The following ELP1 variants were observed in gnomAD, a reference collection of about 807,000 sequenced individuals.
The protein encoded by ELP1 is elongator complex protein 1.
Under a neutral mutation model 183.2 loss-of-function variants are expected in ELP1, and 131 were observed. The observed-to-expected ratio is 0.72, with a 90% CI of 0.62 to 0.83. The LOEUF is 0.83. Among genes scored for constraint, ELP1 ranks in the 40% least tolerant of loss-of-function variants. The pLI is 0.00. For missense variants in ELP1, 1,550 were observed against 1,594.9 expected, an observed-to-expected ratio of 0.97 and a Z score of 0.48; for synonymous variants, 555 against 569.0, an observed-to-expected ratio of 0.98 and a Z score of 0.35.
intron 36 of ELP1, among the ~76,000 whole-genome samples, 155 bp from the exon 37 acceptor site, chr9:108,869,337 C>G (rs868601421): frequency 6.6e-6 from 1 of 152,166 alleles, no homozygotes; most frequent in Non-Finnish European, 1.5e-5. Flanking sequence ...CTGCAACCTC[C>G]AGGTCAGAGC....
chr9:108,919,206 A>G (rs1180263663), intron 7 of ELP1, 47 bp downstream of exon 7: 1 of 1,352,436 alleles, frequency 7.4e-7, no homozygotes, highest in Non-Finnish European at 1.0e-6. Flanking sequence ...TAATTTTAAT[A>G]AGATAAAAAT....
chr9:108,872,804 G>GAAAA (rs58139943), intron 36 of ELP1, among the ~76,000 whole-genome samples: 10 of 83,366 alleles, frequency 1.2e-4, no homozygotes, highest in African/African-American at 2.6e-4. Context: ...GACTCTGTCT[G>GAAAA]AAAAAAAAAA....
chr9:108,923,153 T>G (rs1269560152), intron 5 of ELP1, among the ~76,000 whole-genome samples: 1 of 152,176 alleles, frequency 6.6e-6, no homozygotes, highest in Non-Finnish European at 1.5e-5. Context: ...GAGGATCACT[T>G]GAGTCCAGGA....
intron 36 of ELP1, among the ~76,000 whole-genome samples, chr9:108,869,842 A>G (rs1004869069): frequency 2.0e-5 from 3 of 152,228 alleles, no homozygotes; most frequent in Non-Finnish European, 4.4e-5. Context: ...TTTCTTTTTC[A>G]GCATTATTTA....
At chr9:108,889,464 T>C in intron 28 of ELP1, 71 bp from the exon 29 acceptor site, 2 of 1,328,860 alleles carry the variant, frequency 1.5e-6, no homozygotes, top group Non-Finnish European at 2.2e-6. Flanking sequence ...TTCTTTAATA[T>C]GTCTTTATTA....
chr9:108,872,827 A>AAAAAAAAAAAAAC (rs1554737192), intron 36 of ELP1, among the ~76,000 whole-genome samples: 12 of 107,966 alleles, frequency 1.1e-4, no homozygotes, highest in East Asian at 3.2e-4. Flanking sequence ...AAAAAAAAAA[A>AAAAAAAAAAAAAC]AAAAAAAAAA....
intron 29 of ELP1, among the ~76,000 whole-genome samples, chr9:108,885,125 A>T (rs1298324785): frequency 6.6e-6 from 1 of 151,936 alleles, no homozygotes; most frequent in Non-Finnish European, 1.5e-5. Context: ...AAAAAAATAA[A>T]AGTAAGCCAT....
intron 16 of ELP1, 53 bp downstream of exon 16, chr9:108,902,786 A>G: frequency 2.2e-6 from 3 of 1,341,668 alleles, no homozygotes; most frequent in South Asian, 2.3e-5. Flanking sequence ...ACTTAATGCC[A>G]TCAGTCCCTG....
At chr9:108,907,610 T>A (rs1829067274) in intron 13 of ELP1, among the ~76,000 whole-genome samples, 1 of 152,180 alleles carries the variant, frequency 6.6e-6, no homozygotes, top group Admixed American at 6.5e-5. Flanking sequence ...ATGAAGAACA[T>A]GGACTTATCA....
rs1462652310 is a variant in ELP1 at position 108,918,870 on chromosome 9, C to G, written c.681G>C (p.Glu227Asp). 6.2e-7 allele frequency: 1 copy of G among 1,614,054 alleles called. No individual in the cohort carries two copies. Among genetic ancestry groups the G allele is most frequent in the African/African-American group, 1.3e-5 (1 of 74,916 alleles). ...GARKVRVWNR[E>D]FALQSTSEPV... ...GCTCACTGGTTGACTGCAAAGCAAA[C>G]TCTCGGTTCCACACTCTGACCTTCC... Residue 227 changes from glutamate to aspartate, a missense_variant, in exon 8 of 37, where the codon GAG (glutamate) becomes GAC (aspartate). Transcript: ENST00000374647.
intron 3 of ELP1, among the ~76,000 whole-genome samples, chr9:108,929,066 C>T (rs1829912455): frequency 6.6e-6 from 1 of 152,302 alleles, no homozygotes; most frequent in East Asian, 1.9e-4. Flanking sequence ...AAGTGCCAGG[C>T]ACATGATAGT....
At chr9:108,894,222 C>T (rs1042074330) in intron 25 of ELP1, among the ~76,000 whole-genome samples, 156 bp from the exon 26 acceptor site, 1 of 152,102 alleles carries the variant, frequency 6.6e-6, no homozygotes, top group Non-Finnish European at 1.5e-5. Flanking sequence ...AATCAAACTA[C>T]AGTTGTCCCC....
chr9:108,928,229 C>T (rs1431383095), intron 3 of ELP1, among the ~76,000 whole-genome samples: 1 of 152,104 alleles, frequency 6.6e-6, no homozygotes, highest in Non-Finnish European at 1.5e-5. Context: ...ACAAACATTT[C>T]TTCAGTAATG....
intron 14 of ELP1, among the ~76,000 whole-genome samples, chr9:108,905,867 A>T: frequency 1.3e-5 from 1 of 76,262 alleles, no homozygotes; most frequent in East Asian, 3.1e-4. Flanking sequence ...AAAGGTATGT[A>T]TACACACACA....
At position 108,911,031 on chromosome 9, in the gene ELP1, G is replaced by A. The variant is rs1271784136; in HGVS notation, c.1339C>T (p.Gln447Ter). 2 of 1,614,018 alleles carry A rather than the reference G, an allele frequency of 1.2e-6. No homozygotes were observed. The highest frequency in any genetic ancestry group is 1.7e-6 in the Non-Finnish European group (2 of 1,179,944). The change falls in exon 12 of 37, where the codon CAG becomes TAG. Residue 447 changes from glutamine to a stop codon, truncating the protein, a stop_gained. Coordinates refer to ENST00000374647, the MANE Select transcript of ELP1 (RefSeq NM_003640.5). LOFTEE classifies it high-confidence loss of function. ...NDLAVLDASN[Q>*]ISVYKCGDCP... ...ATACCACATTTATAAACAGAAATCT[G>A]GTTACTGGCATCTAGAACAGCAAGG...
intron 19 of ELP1, 112 bp from the exon 20 acceptor site, chr9:108,900,007 C>G (rs1828706297): frequency 1.1e-6 from 1 of 928,742 alleles, no homozygotes; most frequent in Non-Finnish European, 1.7e-6. Flanking sequence ...TCTCTAAAAT[C>G]AGCACACTTT....
intron 4 of ELP1, 108 bp from the exon 5 acceptor site, chr9:108,926,711 C>G (rs371402947): frequency 2.6e-6 from 2 of 781,236 alleles, no homozygotes; most frequent in East Asian, 5.4e-5. Flanking sequence ...CTGAACAGAG[C>G]AGACAGAATT....
Position 108,926,611 on chromosome 9 carries a change from A to G in ELP1, c.386-8T>C. The stretch of plus-strand genomic sequence containing the variant: ...TAATCAGGGTCTGTTGACCTTAGAG[A>G]AACACAAACAAAAATGATTTTGTTT... On this transcript the variant is annotated splice_polypyrimidine_tract_variant and splice_region_variant and intron_variant, in intron 4 of 36. Transcript: ENST00000374647. 6.2e-7 allele frequency: 1 copy of G among 1,607,766 alleles called. No individual in the cohort carries two copies. The highest frequency in any genetic ancestry group is 1.1e-5 in the South Asian group (1 of 90,872).
At chr9:108,911,248 C>T (rs984129365) in intron 11 of ELP1, 68 bp from the exon 12 acceptor site, 5 of 1,407,906 alleles carry the variant, frequency 3.6e-6, no homozygotes, top group Admixed American at 3.6e-5. Context: ...GCCATCTGAA[C>T]ATCACAGTAT....
Sources: gnomAD v4.1 joint callset for allele counts (sites outside exome capture counted in the v4.1 genomes callset) on GRCh38, gnomAD v4.1.1 for gene constraint, MANE v1.5 for transcripts, NCBI Gene and HGNC (gene_info 2026-07-23, HGNC 2026-07-21) for gene names.